GALNT13: variants seen among roughly 807,000 people sequenced by gnomAD.
The protein encoded by GALNT13 is polypeptide N-acetylgalactosaminyltransferase 13, also known as UDP-GalNAc:polypeptide N-acetylgalactosaminyltransferase 13.
A neutral mutation model predicts 64.2 loss-of-function variants in GALNT13; 28 were observed. The ratio of observed to expected loss-of-function variants is 0.44; its 90% CI spans 0.32 to 0.60. The LOEUF (loss-of-function observed/expected upper bound fraction) is 0.60, where lower values mean the gene tolerates loss of function less well. Ranked by LOEUF, GALNT13 falls within the 20% of genes least tolerant of loss-of-function variation. The pLI is 0.05. For missense variants in GALNT13, 577 were observed against 669.8 expected (o/e 0.86, Z 1.53); for synonymous variants, 214 against 224.6 (o/e 0.95, Z 0.42).
chr2:154,077,197 A>G (rs1463727021), intron 3 of GALNT13, among the ~76,000 whole-genome samples: 1 of 151,632 alleles, frequency 6.6e-6, no homozygotes, highest in African/African-American at 2.4e-5. Flanking sequence ...CTGAGTATAC[A>G]AACTATAAAA....
rs549833215 is a variant in GALNT13, at chr2:154,401,852, T to C, written c.1296+5722T>C. Among the ~76,000 whole-genome samples, 8 of 152,296 alleles carry C rather than the reference T, an allele frequency of 5.3e-5. No homozygotes were observed. In the East Asian group the frequency reaches 1.5e-3, roughly 29 times the overall value. ...AATAATTTTTGAATCTCACAGTCAT[T>C]AATCAAGGACCTTCTAAATCCAGTT... On this transcript the variant is annotated intron_variant, in intron 10 of 12. Coordinates refer to ENST00000392825, the MANE Select transcript of GALNT13 (RefSeq NM_052917.4).
chr2:153,323,680 G>A, the GALNT13 span, among the ~76,000 whole-genome samples: 2 of 152,150 alleles, frequency 1.3e-5, no homozygotes, highest in South Asian at 2.1e-4. Context: ...GTGTAAGGAA[G>A]GGGTCCAGTT....
the GALNT13 span, among the ~76,000 whole-genome samples, chr2:153,566,509 C>T: frequency 1.8e-4 from 27 of 151,958 alleles, no homozygotes; most frequent in African/African-American, 5.8e-4. Context: ...CGCCTGCCAC[C>T]GCGCCCGGCT....
chr2:153,866,910 T>A, the GALNT13 span, among the ~76,000 whole-genome samples: 4 of 152,308 alleles, frequency 2.6e-5, no homozygotes, highest in South Asian at 8.3e-4. Flanking sequence ...AATATTTACA[T>A]CAGTTAAAAT....
chr2:153,994,156 A>G (rs528800919), intron 3 of GALNT13, among the ~76,000 whole-genome samples: 1 of 152,238 alleles, frequency 6.6e-6, no homozygotes, highest in Non-Finnish European at 1.5e-5. Context: ...ATGAGTGAGA[A>G]CATGCAGTGT....
the GALNT13 span, among the ~76,000 whole-genome samples, chr2:153,803,749 T>G: frequency 4.7e-5 from 7 of 148,702 alleles, no homozygotes; most frequent in Non-Finnish European, 8.9e-5. Flanking sequence ...GAGAGATTGA[T>G]CTCTCTCTCC....
chr2:153,393,947 T>TACACACAC, the GALNT13 span, among the ~76,000 whole-genome samples: 23 of 128,272 alleles, frequency 1.8e-4, no homozygotes, highest in African/African-American at 5.6e-4. Flanking sequence ...TCTCTCTGTC[T>TACACACAC]ACACACACAC....
At chr2:154,023,522 C>A (rs1697695822) in intron 3 of GALNT13, among the ~76,000 whole-genome samples, 1 of 152,144 alleles carries the variant, frequency 6.6e-6, no homozygotes, top group Non-Finnish European at 1.5e-5. Context: ...GCAACCCCTG[C>A]CTTTTTTTGT....
chr2:153,243,149 G>A, the GALNT13 span, among the ~76,000 whole-genome samples: 1 of 152,186 alleles, frequency 6.6e-6, no homozygotes, highest in Non-Finnish European at 1.5e-5. Context: ...TCCACTGAGA[G>A]ATGAGACACC....
At chr2:153,262,296 T>C in the GALNT13 span, among the ~76,000 whole-genome samples, 5,170 of 152,200 alleles carry the variant, frequency 0.034, 298 homozygotes, top group African/African-American at 0.12. Flanking sequence ...GATGAATTCT[T>C]CCAGAACTCA....
At chr2:154,331,787 A>G (rs1425659680) in intron 9 of GALNT13, among the ~76,000 whole-genome samples, 1 of 152,064 alleles carries the variant, frequency 6.6e-6, no homozygotes, top group East Asian at 1.9e-4. Flanking sequence ...ATGACTTTTT[A>G]AACTTTTTTT....
At chr2:153,748,939 T>C in the GALNT13 span, among the ~76,000 whole-genome samples, 12 of 152,134 alleles carry the variant, frequency 7.9e-5, no homozygotes, top group African/African-American at 2.7e-4. Flanking sequence ...CAGGGTTTTC[T>C]TGTAGTAGTT....
chr2:154,195,435 A>T (rs1686826255), intron 4 of GALNT13, among the ~76,000 whole-genome samples: 1 of 152,158 alleles, frequency 6.6e-6, no homozygotes, highest in Non-Finnish European at 1.5e-5. Flanking sequence ...CCACATCAAT[A>T]AATGACTCAA....
chr2:153,640,501 C>G, the GALNT13 span, among the ~76,000 whole-genome samples: 1 of 151,998 alleles, frequency 6.6e-6, no homozygotes, highest in African/African-American at 2.4e-5. Flanking sequence ...TGTCAGGGCC[C>G]GGCATGGTGG....
the GALNT13 span, among the ~76,000 whole-genome samples, chr2:153,569,942 G>A: frequency 0.026 from 3,900 of 152,124 alleles, 183 homozygotes; most frequent in African/African-American, 0.089. Context: ...GAGAACACAC[G>A]ATGTTTGTCT....
the GALNT13 span, among the ~76,000 whole-genome samples, chr2:153,727,762 A>G: frequency 1.3e-5 from 2 of 151,506 alleles, no homozygotes; most frequent in Non-Finnish European, 2.9e-5. Context: ...AAGTTCTGGG[A>G]TAAATGTGCT....
chr2:153,435,063 T>C, the GALNT13 span, among the ~76,000 whole-genome samples: 49 of 152,246 alleles, frequency 3.2e-4, 1 homozygote, highest in East Asian at 6.6e-3. Flanking sequence ...GCCAGTTTTC[T>C]CAGCACCATT....
the GALNT13 span, among the ~76,000 whole-genome samples, chr2:153,274,055 G>A: frequency 6.6e-6 from 1 of 152,096 alleles, no homozygotes; most frequent in Non-Finnish European, 1.5e-5. Flanking sequence ...GCTTACTAAA[G>A]TTAGCCAGGC....
chr2:153,155,279 T>G, the GALNT13 span, among the ~76,000 whole-genome samples: 10 of 152,204 alleles, frequency 6.6e-5, no homozygotes, highest in African/African-American at 2.4e-4. Context: ...TTCTTTGGAA[T>G]AGTTTCAGTA....
Sources: allele counts gnomAD v4.1 joint callset (sites outside exome capture counted in the v4.1 genomes callset), GRCh38; gene constraint gnomAD v4.1.1; transcripts MANE v1.5; gene names NCBI Gene and HGNC (gene_info 2026-07-23, HGNC 2026-07-21).